The following CHSY3 variants were observed in gnomAD, a reference collection of about 807,000 sequenced individuals.
CHSY3 encodes chondroitin sulfate synthase 3.
A neutral mutation model predicts 67.2 loss-of-function variants in CHSY3; 35 were observed. That is an observed-to-expected ratio of 0.52 (90% confidence interval 0.40 to 0.69). CHSY3 has a LOEUF of 0.69. Among genes scored for constraint, CHSY3 ranks in the 30% least tolerant of loss-of-function variants. The pLI, the probability that CHSY3 is intolerant of heterozygous loss-of-function variation, is 0.00. For synonymous variants in CHSY3, 474 were observed against 434.7 expected (o/e 1.09, Z -1.12); for missense variants, 1,069 against 1,138.5 (o/e 0.94, Z 0.88).
At chr5:129,970,203 T>G (rs1762598877) in intron 2 of CHSY3, among the ~76,000 whole-genome samples, 1 of 151,898 alleles carries the variant, frequency 6.6e-6, no homozygotes, top group Non-Finnish European at 1.5e-5. Context: ...GTTTACTCAT[T>G]TCTTTTTTGT....
chr5:130,043,507 G>T (rs1478303024), intron 2 of CHSY3, among the ~76,000 whole-genome samples: 4 of 152,106 alleles, frequency 2.6e-5, no homozygotes, highest in African/African-American at 9.7e-5. Context: ...TCACAGTCTT[G>T]TCCACGTGGG....
chr5:129,927,020 A>G (rs933856327), intron 2 of CHSY3, among the ~76,000 whole-genome samples: 1 of 151,998 alleles, frequency 6.6e-6, no homozygotes, highest in South Asian at 2.1e-4. Context: ...TAGTGTATTA[A>G]TAATAAAACA....
intron 2 of CHSY3, among the ~76,000 whole-genome samples, chr5:130,035,567 G>A (rs1764839123): frequency 6.6e-6 from 1 of 152,132 alleles, no homozygotes; most frequent in African/African-American, 2.4e-5. Context: ...AGAGTAAGTA[G>A]AAATGAGTGA....
chr5:130,118,802 A>G (rs1237391297), intron 2 of CHSY3, among the ~76,000 whole-genome samples: 1 of 152,080 alleles, frequency 6.6e-6, no homozygotes, highest in East Asian at 1.9e-4. Flanking sequence ...TGAAATAGGA[A>G]TGCTGGGTGC....
chr5:129,942,202 T>C (rs953089682), intron 2 of CHSY3, among the ~76,000 whole-genome samples: 1 of 152,252 alleles, frequency 6.6e-6, no homozygotes, highest in East Asian at 1.9e-4. Context: ...CTGAAGCCTG[T>C]GACACCCAAC....
chr5:129,934,447 G>A (rs1761424351), intron 2 of CHSY3, among the ~76,000 whole-genome samples: 1 of 152,046 alleles, frequency 6.6e-6, no homozygotes, highest in Admixed American at 6.6e-5. Context: ...CCAGTTGATA[G>A]GCATAGAGTA....
intron 2 of CHSY3, among the ~76,000 whole-genome samples, chr5:129,981,050 CAAAAAAA>C (rs71000945): frequency 2.3e-5 from 3 of 130,936 alleles, no homozygotes; most frequent in African/African-American, 2.8e-5. Context: ...ACTGAAAATA[CAAAAAAA>C]AAAAAAAAAA....
intron 2 of CHSY3, among the ~76,000 whole-genome samples, chr5:130,091,082 C>T (rs1766860747): frequency 1.3e-5 from 2 of 151,516 alleles, no homozygotes; most frequent in South Asian, 4.2e-4. Flanking sequence ...TGCCAAAGCA[C>T]CAGGTCTGCT....
intron 2 of CHSY3, among the ~76,000 whole-genome samples, chr5:130,095,928 T>A (rs567059083): frequency 2.6e-5 from 4 of 152,296 alleles, no homozygotes; most frequent in Non-Finnish European, 5.9e-5. Flanking sequence ...CGTGGTATCG[T>A]TCCAGATAAT....
At chr5:129,939,460 G>A (rs1190971885) in intron 2 of CHSY3, among the ~76,000 whole-genome samples, 1 of 152,070 alleles carries the variant, frequency 6.6e-6, no homozygotes, top group African/African-American at 2.4e-5. Flanking sequence ...TGTAATATTT[G>A]TATAGGATTT....
At chr5:129,951,444 A>G (rs1042459982) in intron 2 of CHSY3, among the ~76,000 whole-genome samples, 33 of 152,380 alleles carry the variant, frequency 2.2e-4, no homozygotes, top group African/African-American at 7.2e-4. Flanking sequence ...TAAAAGGCAC[A>G]TTTACACAAA....
At chr5:130,089,898 C>A (rs1486129357) in intron 2 of CHSY3, among the ~76,000 whole-genome samples, 3 of 152,086 alleles carry the variant, frequency 2.0e-5, no homozygotes, top group Non-Finnish European at 4.4e-5. Flanking sequence ...AACTGGGGAC[C>A]AACAAAGGTT....
chr5:129,932,103 C>CATATATATATATATATATACAT (rs1761329332), intron 2 of CHSY3, among the ~76,000 whole-genome samples: 4 of 115,024 alleles, frequency 3.5e-5, no homozygotes, highest in Non-Finnish European at 5.1e-5. Flanking sequence ...ACCATAAAAC[C>CATATATATATATATATATACAT]ATATATATAT....
chr5:130,053,446 G>A (rs947155064), intron 2 of CHSY3, among the ~76,000 whole-genome samples: 2 of 152,174 alleles, frequency 1.3e-5, no homozygotes. Context: ...AATCTATAGA[G>A]TAGAAATGCA....
intron 2 of CHSY3, among the ~76,000 whole-genome samples, chr5:129,918,025 T>G (rs1760789119): frequency 6.6e-6 from 1 of 152,234 alleles, no homozygotes; most frequent in South Asian, 2.1e-4. Flanking sequence ...TTTGTTTTCC[T>G]TTTGGGGAAT....
chr5:129,981,506 T>A (rs2149622814), intron 2 of CHSY3, among the ~76,000 whole-genome samples: 1 of 152,118 alleles, frequency 6.6e-6, no homozygotes, highest in Non-Finnish European at 1.5e-5. Context: ...ACATACTTTT[T>A]ATTTTTTATT....
intron 2 of CHSY3, among the ~76,000 whole-genome samples, chr5:130,094,621 C>T (rs755568538): frequency 2.0e-5 from 3 of 152,016 alleles, no homozygotes; most frequent in Non-Finnish European, 4.4e-5. Context: ...TACATAGCTC[C>T]AGGCATTTAT....
intron 2 of CHSY3, among the ~76,000 whole-genome samples, chr5:129,936,024 A>G (rs73241707): frequency 6.6e-6 from 1 of 152,362 alleles, no homozygotes; most frequent in African/African-American, 2.4e-5. Flanking sequence ...AAGCTGTAGT[A>G]AAGTACTGAT....
chr5:130,074,227 C>T lies in CHSY3; in HGVS notation c.1087-110002C>T, dbSNP rs143313187. On this transcript the variant is annotated intron_variant, in intron 2 of 2. Transcript: ENST00000305031. Reference sequence around the variant, plus strand: ...CTGGGACTACAGTTGCACGCCATGACGCCTAGCTAATTTTTGTATTTTTAG... The same window carrying T: ...CTGGGACTACAGTTGCACGCCATGATGCCTAGCTAATTTTTGTATTTTTAG... Among the ~76,000 whole-genome samples, 176 of 152,012 alleles carry T rather than the reference C, an allele frequency of 1.2e-3. 1 individual carries two copies. Among genetic ancestry groups the T allele is most frequent in the Non-Finnish European group, 2.0e-3 (135 of 67,962 alleles).
Sources: gnomAD v4.1 joint callset for allele counts (sites outside exome capture counted in the v4.1 genomes callset) on GRCh38, gnomAD v4.1.1 for gene constraint, MANE v1.5 for transcripts, NCBI Gene and HGNC (gene_info 2026-07-23, HGNC 2026-07-21) for gene names.